ALPL: variants seen among roughly 807,000 people sequenced by gnomAD.
ALPL encodes the protein alkaline phosphatase, biomineralization associated, also known as alkaline phosphatase, tissue-nonspecific isozyme.
Under a neutral mutation model 51.3 loss-of-function variants are expected in ALPL, and 42 were observed. The observed-to-expected ratio is 0.82, with a 90% CI of 0.64 to 1.06. The LOEUF is 1.06. Among genes scored for constraint, ALPL ranks in the 50% least tolerant of loss-of-function variants. The probability of loss-of-function intolerance (pLI) is 0.00; values close to 1 mark genes in which losing one functional copy is unlikely to be tolerated. For synonymous variants in ALPL, 279 were observed against 296.4 expected, an observed-to-expected ratio of 0.94 and a Z score of 0.60; for missense variants, 589 against 709.4, an observed-to-expected ratio of 0.83 and a Z score of 1.93.
Position 21,553,986 on chromosome 1 carries a change from C to A in ALPL, c.-96C>A. 1 of 998,750 alleles carries A rather than the reference C, an allele frequency of 1.0e-6. No homozygotes were observed. Among genetic ancestry groups the A allele is most frequent in the Non-Finnish European group, 1.6e-6 (1 of 620,716 alleles). 61.9% of individuals were successfully genotyped at this position (998,750 alleles called of 1,614,324 possible). A position where few individuals can be genotyped will look rare whatever the true frequency, so the allele number is the denominator to read the frequency against. On this transcript the variant is annotated 5_prime_UTR_variant, in exon 2 of 12. Coordinates refer to ENST00000374840, the MANE Select transcript of ALPL (RefSeq NM_000478.6). Reference sequence around the variant, plus strand: ...CTTTTTTTAATTTCTAGGATTGGAACATCAGTTAACATCTGACCACTGCCA... The same window carrying A: ...CTTTTTTTAATTTCTAGGATTGGAAAATCAGTTAACATCTGACCACTGCCA...
intron 1 of ALPL, among the ~76,000 whole-genome samples, chr1:21,534,486 G>A (rs1455834708): frequency 6.6e-6 from 1 of 152,200 alleles, no homozygotes; most frequent in African/African-American, 2.4e-5. Context: ...CGGAGTCAGC[G>A]AAGAGGAGGA....
intron 1 of ALPL, among the ~76,000 whole-genome samples, chr1:21,510,299 T>C (rs1270874349): frequency 6.6e-6 from 1 of 152,136 alleles, no homozygotes; most frequent in Non-Finnish European, 1.5e-5. Flanking sequence ...CATTGTGCCT[T>C]ATGACTCTTT....
chr1:21,560,500 C>A (rs1644467739), intron 2 of ALPL, 126 bp from the exon 3 acceptor site: 2 of 1,256,368 alleles, frequency 1.6e-6, no homozygotes, highest in Admixed American at 2.1e-5. Flanking sequence ...TCTGGGTGGG[C>A]AACTATTGCA....
At chr1:21,516,320 C>T (rs1026170331) in intron 1 of ALPL, among the ~76,000 whole-genome samples, 1 of 152,146 alleles carries the variant, frequency 6.6e-6, no homozygotes, top group African/African-American at 2.4e-5. Context: ...CATCTGAGGC[C>T]CATTTCCCCT....
chr1:21,522,217 A>G lies in ALPL; in HGVS notation c.-105+12700A>G, dbSNP rs201057935. Reference sequence around the variant, plus strand: ...CTCCCCAGTAGCTGGGACTACAGGCACACACCACCACGCCCAGCTAATTTT... The same window carrying G: ...CTCCCCAGTAGCTGGGACTACAGGCGCACACCACCACGCCCAGCTAATTTT... On this transcript the variant is annotated intron_variant, in intron 1 of 11. Transcript: ENST00000374840. 2.3e-3 allele frequency among the ~76,000 whole-genome samples: 343 copies of G among 152,144 alleles called. 3 individuals carry two copies. Among genetic ancestry groups the G allele is most frequent in the African/African-American group, 6.7e-3 (277 of 41,496 alleles).
intron 1 of ALPL, among the ~76,000 whole-genome samples, chr1:21,519,776 G>A (rs1435110938): frequency 1.3e-5 from 2 of 152,218 alleles, no homozygotes; most frequent in Non-Finnish European, 2.9e-5. Flanking sequence ...CAACCTGAGT[G>A]ACAGAGTGAG....
intron 1 of ALPL, among the ~76,000 whole-genome samples, chr1:21,528,979 G>C (rs1417707980): frequency 6.6e-6 from 1 of 151,104 alleles, no homozygotes; most frequent in Admixed American, 6.6e-5. Flanking sequence ...CTGAGGCAGA[G>C]AATTGCTTGA....
chr1:21,540,761 C>T (rs1558536759), intron 1 of ALPL, among the ~76,000 whole-genome samples: 1 of 152,204 alleles, frequency 6.6e-6, no homozygotes, highest in Non-Finnish European at 1.5e-5. Flanking sequence ...CTCATCTCAA[C>T]CCCATCATCC....
chr1:21,511,454 G>A (rs1401980697), intron 1 of ALPL, among the ~76,000 whole-genome samples: 2 of 152,214 alleles, frequency 1.3e-5, no homozygotes, highest in Non-Finnish European at 2.9e-5. Flanking sequence ...GCTGGTACCT[G>A]TGCTTAAGAA....
intron 1 of ALPL, among the ~76,000 whole-genome samples, chr1:21,543,276 A>G (rs1161772622): frequency 6.6e-6 from 1 of 152,166 alleles, no homozygotes; most frequent in Non-Finnish European, 1.5e-5. Context: ...ACTTGCATAT[A>G]GTCACATCCC....
intron 1 of ALPL, among the ~76,000 whole-genome samples, chr1:21,538,989 A>G (rs968680331): frequency 3.3e-5 from 5 of 152,246 alleles, no homozygotes; most frequent in Admixed American, 2.6e-4. Context: ...ATGAAATAAC[A>G]TTTGGGAACA....
chr1:21,562,601 T>G (rs1295762357), intron 4 of ALPL, among the ~76,000 whole-genome samples: 1 of 152,062 alleles, frequency 6.6e-6, no homozygotes, highest in Non-Finnish European at 1.5e-5. Context: ...AACATCCGGA[T>G]GTAGGGCAAC....
intron 1 of ALPL, among the ~76,000 whole-genome samples, chr1:21,538,382 G>A (rs544487084): frequency 3.9e-4 from 59 of 152,268 alleles, no homozygotes; most frequent in East Asian, 1.2e-3. Flanking sequence ...CGGCTGGAGC[G>A]TCCTCTGGGA....
intron 5 of ALPL, 65 bp from the exon 6 acceptor site, chr1:21,563,976 G>A (rs1644525721): frequency 1.9e-6 from 3 of 1,592,086 alleles, no homozygotes; most frequent in Non-Finnish European, 2.6e-6. Context: ...GGGGAAGGGA[G>A]GGAGGAGGCC....
intron 1 of ALPL, among the ~76,000 whole-genome samples, chr1:21,547,621 G>A (rs934108767): frequency 1.3e-5 from 2 of 152,208 alleles, no homozygotes; most frequent in South Asian, 2.1e-4. Context: ...TGGAGCAAGC[G>A]GGGCACTCAT....
intron 1 of ALPL, among the ~76,000 whole-genome samples, chr1:21,515,054 C>T (rs79266927): frequency 0.022 from 3,374 of 152,256 alleles, 54 homozygotes; most frequent in Non-Finnish European, 0.037. Context: ...CCCCCTCCTC[C>T]TCCACTCCAG....
intron 7 of ALPL, among the ~76,000 whole-genome samples, chr1:21,569,003 A>G (rs1644607744): frequency 6.6e-6 from 1 of 152,140 alleles, no homozygotes; most frequent in East Asian, 1.9e-4. Context: ...GTAGCCTGGC[A>G]GCCACTTTGA....
intron 1 of ALPL, among the ~76,000 whole-genome samples, chr1:21,539,529 C>T (rs1285636069): frequency 2.6e-5 from 4 of 152,182 alleles, no homozygotes. Context: ...TTGAACACTG[C>T]CTTGCCTTTC....
At chr1:21,538,395 G>T (rs947454173) in intron 1 of ALPL, among the ~76,000 whole-genome samples, 6 of 152,208 alleles carry the variant, frequency 3.9e-5, no homozygotes, top group African/African-American at 9.6e-5. Context: ...CTCTGGGAAT[G>T]CGAGGAACGC....
Sources: allele counts gnomAD v4.1 joint callset (sites outside exome capture counted in the v4.1 genomes callset), GRCh38; gene constraint gnomAD v4.1.1; transcripts MANE v1.5; gene names NCBI Gene and HGNC (gene_info 2026-07-23, HGNC 2026-07-21).